FAF1: variants seen among roughly 807,000 people sequenced by gnomAD.
FAF1 encodes Fas associated factor 1, also known as FAS-associated factor 1.
Under a neutral mutation model 92.5 loss-of-function variants are expected in FAF1, and 25 were observed. The ratio of observed to expected loss-of-function variants is 0.27; its 90% CI spans 0.20 to 0.38. The LOEUF (loss-of-function observed/expected upper bound fraction) is 0.38. Ranked by LOEUF, FAF1 falls within the 10% of genes least tolerant of loss-of-function variation. The pLI is 1.00. For synonymous variants in FAF1, 234 were observed against 273.2 expected, an observed-to-expected ratio of 0.86 and a Z score of 1.42; for missense variants, 636 against 793.3, an observed-to-expected ratio of 0.80 and a Z score of 2.38.
intron 8 of FAF1, among the ~76,000 whole-genome samples, chr1:50,643,655 C>T (rs1027782588): frequency 2.0e-5 from 3 of 152,284 alleles, no homozygotes; most frequent in East Asian, 3.9e-4. Flanking sequence ...TGCAGTGGCA[C>T]GATCTCAGCT....
chr1:50,882,877 T>G (rs999192204), intron 1 of FAF1, among the ~76,000 whole-genome samples: 1 of 151,238 alleles, frequency 6.6e-6, no homozygotes, highest in Non-Finnish European at 1.5e-5. Flanking sequence ...TCCCAGACAC[T>G]CGGGAGGCTG....
intron 18 of FAF1, among the ~76,000 whole-genome samples, chr1:50,462,023 A>ATATAT (rs951142514): frequency 1.4e-5 from 2 of 147,988 alleles, no homozygotes; most frequent in Non-Finnish European, 3.0e-5. Flanking sequence ...TATATATTTT[A>ATATAT]TATATTATAT....
chr1:50,657,175 G>A (rs11205754), intron 7 of FAF1, among the ~76,000 whole-genome samples: 13,932 of 151,570 alleles, frequency 0.092, 818 homozygotes, highest in African/African-American at 0.17. Context: ...TCATGCCACC[G>A]CACTCCCACC....
At chr1:50,761,786 G>A (rs1263539141) in intron 4 of FAF1, among the ~76,000 whole-genome samples, 1 of 152,050 alleles carries the variant, frequency 6.6e-6, no homozygotes, top group African/African-American at 2.4e-5. Context: ...CACAAGACAG[G>A]GATGCCCTCT....
intron 15 of FAF1, among the ~76,000 whole-genome samples, chr1:50,522,645 C>T (rs771282014): frequency 1.9e-4 from 29 of 152,262 alleles, no homozygotes; most frequent in African/African-American, 2.6e-4. Context: ...AGTAGTACCC[C>T]GTAAGTACTG....
chr1:50,738,187 T>C (rs891399024), intron 6 of FAF1, among the ~76,000 whole-genome samples: 4 of 152,154 alleles, frequency 2.6e-5, no homozygotes, highest in East Asian at 1.9e-4. Context: ...CTCATGCCTG[T>C]AATCCCAGCA....
At chr1:50,938,117 C>A (rs908523160) in intron 1 of FAF1, among the ~76,000 whole-genome samples, 1 of 152,194 alleles carries the variant, frequency 6.6e-6, no homozygotes, top group African/African-American at 2.4e-5. Context: ...ACAATGCCAA[C>A]CATACCACTA....
chr1:50,864,593 G>A (rs1227787071), intron 1 of FAF1, among the ~76,000 whole-genome samples: 1 of 151,428 alleles, frequency 6.6e-6, no homozygotes, highest in African/African-American at 2.4e-5. Context: ...ATGGGGAAAG[G>A]ATTCCCTATT....
chr1:50,615,054 T>C (rs1448082586), intron 8 of FAF1, among the ~76,000 whole-genome samples: 3 of 152,116 alleles, frequency 2.0e-5, no homozygotes, highest in African/African-American at 7.2e-5. Flanking sequence ...CCTGCTCTAG[T>C]AGTCCACAGT....
chr1:50,559,534 C>T (rs972523973), intron 13 of FAF1, among the ~76,000 whole-genome samples: 6 of 152,204 alleles, frequency 3.9e-5, no homozygotes, highest in Non-Finnish European at 8.8e-5. Flanking sequence ...CTGCCCTTGC[C>T]ATGATCCCTC....
intron 13 of FAF1, among the ~76,000 whole-genome samples, chr1:50,543,822 T>G (rs1648871351): frequency 6.6e-6 from 1 of 152,140 alleles, no homozygotes; most frequent in South Asian, 2.1e-4. Flanking sequence ...GACAATACAT[T>G]ATAGATGCTG....
chr1:50,511,297 C>A (rs948897881), intron 15 of FAF1, among the ~76,000 whole-genome samples: 1 of 151,658 alleles, frequency 6.6e-6, no homozygotes, highest in African/African-American at 2.4e-5. Context: ...GTAGAACGTG[C>A]AGGTTTGTAA....
At chr1:50,836,455 A>G (rs1039895408) in intron 2 of FAF1, among the ~76,000 whole-genome samples, 6 of 152,154 alleles carry the variant, frequency 3.9e-5, no homozygotes, top group Non-Finnish European at 7.4e-5. Flanking sequence ...TGGTAATGTT[A>G]GGGACAAAAA....
At chr1:50,788,607 C>T (rs551754830) in intron 3 of FAF1, among the ~76,000 whole-genome samples, 13 of 152,252 alleles carry the variant, frequency 8.5e-5, no homozygotes, top group Admixed American at 7.9e-4. Flanking sequence ...TGAAACTTTA[C>T]AGTCCTTAAA....
chr1:50,844,775 T>C (rs774371371), intron 2 of FAF1, among the ~76,000 whole-genome samples: 10 of 151,828 alleles, frequency 6.6e-5, no homozygotes, highest in Non-Finnish European at 1.2e-4. Context: ...AAAAGAGAGG[T>C]ACCTGAAAAT....
At chr1:50,560,489 T>C (rs1011167128) in intron 13 of FAF1, among the ~76,000 whole-genome samples, 1 of 152,246 alleles carries the variant, frequency 6.6e-6, no homozygotes, top group African/African-American at 2.4e-5. Context: ...GCTATGTGTA[T>C]GTTACAAGCA....
intron 2 of FAF1, among the ~76,000 whole-genome samples, chr1:50,856,896 A>G (rs1354065938): frequency 6.6e-6 from 1 of 151,850 alleles, no homozygotes; most frequent in Non-Finnish European, 1.5e-5. Flanking sequence ...AACAGCCACA[A>G]TTAAGTGAAA....
At chr1:50,844,280 C>T (rs1405775448) in intron 2 of FAF1, among the ~76,000 whole-genome samples, 5 of 152,006 alleles carry the variant, frequency 3.3e-5, no homozygotes, top group Non-Finnish European at 5.9e-5. Flanking sequence ...TTTTTAATCC[C>T]GTCAGGTGAA....
rs1479843810 is a variant in FAF1 at position 50,490,437 on chromosome 1, AAGGAAGGAAGGAAGGAAGGAAG to A, written c.1653+129_1653+150del. ...GAAGGAAGGAAGGAAGGAAGGAAGG[AAGGAAGGAAGGAAGGAAGGAAG>A]GAAAAAGAAAGAAGGAAGGAAGGAA... On this transcript the variant is annotated intron_variant, in intron 17 of 18. Coordinates refer to ENST00000396153, the MANE Select transcript of FAF1 (RefSeq NM_007051.3). The A allele has an allele frequency of 5.4e-3, 3,026 of 564,088 alleles. 121 individuals are homozygous for A. Among genetic ancestry groups the A allele is most frequent in the Middle Eastern group, 7.6e-3 (26 of 3,426 alleles). 34.9% of individuals were successfully genotyped at this position (564,088 alleles called of 1,614,324 possible).
Sources: gnomAD v4.1 joint callset for allele counts (sites outside exome capture counted in the v4.1 genomes callset) on GRCh38, gnomAD v4.1.1 for gene constraint, MANE v1.5 for transcripts, NCBI Gene and HGNC (gene_info 2026-07-23, HGNC 2026-07-21) for gene names.